Variants in PLXNA4 observed in about 807,000 individuals in gnomAD.
The protein encoded by PLXNA4 is plexin A4.
PLXNA4 carries 44 observed loss-of-function variants against 191.8 expected under a neutral mutation model. The observed-to-expected ratio is 0.23, with a 90% CI of 0.18 to 0.29. The LOEUF is 0.29. PLXNA4 is among the 10% of genes least tolerant of loss of function. The pLI is 1.00. For missense variants in PLXNA4, 1,800 were observed against 2,488.8 expected, an observed-to-expected ratio of 0.72 and a Z score of 5.89; for synonymous variants, 1,082 against 1,009.5, an observed-to-expected ratio of 1.07 and a Z score of -1.36.
intron 24 of PLXNA4, among the ~76,000 whole-genome samples, chr7:132,161,149 C>A (rs934234206): frequency 2.6e-5 from 4 of 152,188 alleles, no homozygotes; most frequent in Non-Finnish European, 5.9e-5. Context: ...TCCTCTGGGC[C>A]CTGGTGGGGC....
At chr7:132,365,788 G>T (rs760016264) in intron 3 of PLXNA4, 8 of 152,294 alleles carry the variant, frequency 5.3e-5, no homozygotes, top group Admixed American at 2.0e-4. Context: ...CTTTGAGAAC[G>T]TTAAAAAGTG....
At chr7:132,398,108 T>C (rs1043670494) in intron 3 of PLXNA4, among the ~76,000 whole-genome samples, 13 of 152,242 alleles carry the variant, frequency 8.5e-5, no homozygotes, top group Non-Finnish European at 7.3e-5. Flanking sequence ...AAAGCCACGC[T>C]GTGCCTCTAG....
intron 3 of PLXNA4, among the ~76,000 whole-genome samples, chr7:132,303,871 G>A (rs1312644453): frequency 6.6e-6 from 1 of 152,144 alleles, no homozygotes; most frequent in Non-Finnish European, 1.5e-5. Context: ...AGTGTTCTAA[G>A]GCCTCTCTTT....
chr7:132,242,921 G>A (rs1213112603), intron 4 of PLXNA4, among the ~76,000 whole-genome samples: 1 of 152,084 alleles, frequency 6.6e-6, no homozygotes, highest in Non-Finnish European at 1.5e-5. Flanking sequence ...CTCCTTAAGT[G>A]AGCATAGACA....
chr7:132,571,547 C>T (rs1585370060), intron 1 of PLXNA4, among the ~76,000 whole-genome samples: 1 of 152,204 alleles, frequency 6.6e-6, no homozygotes, highest in Admixed American at 6.5e-5. Context: ...AAGTACCTAC[C>T]GTGAGTGGTG....
intron 3 of PLXNA4, among the ~76,000 whole-genome samples, chr7:132,317,507 G>T (rs1385355886): frequency 6.6e-6 from 1 of 152,048 alleles, no homozygotes; most frequent in Non-Finnish European, 1.5e-5. Context: ...GTTGTGTTCA[G>T]TTGGATTGAA....
chr7:132,195,564 T>C (rs1797230059), intron 13 of PLXNA4, among the ~76,000 whole-genome samples: 1 of 152,262 alleles, frequency 6.6e-6, no homozygotes, highest in Admixed American at 6.5e-5. Context: ...GCACTTCTAT[T>C]GATGGCCCAC....
At chr7:132,628,789 G>A (rs1366554131) in intron 2 of PLXNA4, among the ~76,000 whole-genome samples, 3 of 152,030 alleles carry the variant, frequency 2.0e-5, no homozygotes, top group Non-Finnish European at 4.4e-5. Context: ...ACAACCTTCT[G>A]TTATTGTTTT....
chr7:132,567,156 T>A (rs1459453972), intron 1 of PLXNA4, among the ~76,000 whole-genome samples: 2 of 152,156 alleles, frequency 1.3e-5, no homozygotes, highest in Non-Finnish European at 2.9e-5. Flanking sequence ...TTCTTCACCT[T>A]TAATTCGCCC....
chr7:132,177,654 T>A (rs916018779), intron 20 of PLXNA4, among the ~76,000 whole-genome samples: 1 of 152,214 alleles, frequency 6.6e-6, no homozygotes, highest in Admixed American at 6.5e-5. Context: ...TGGCTTTTTA[T>A]CAGTCTGCAG....
chr7:132,485,541 G>A (rs148968177), intron 3 of PLXNA4, among the ~76,000 whole-genome samples: 7 of 152,312 alleles, frequency 4.6e-5, no homozygotes, highest in Middle Eastern at 3.4e-3. Flanking sequence ...AAGAAATCTC[G>A]TGCTTCTGAG....
At chr7:132,273,184 A>C (rs1020863572) in intron 4 of PLXNA4, among the ~76,000 whole-genome samples, 1 of 152,178 alleles carries the variant, frequency 6.6e-6, no homozygotes, top group Non-Finnish European at 1.5e-5. Flanking sequence ...ATCCACTCTG[A>C]GTGATGTCTG....
chr7:132,490,695 G>A (rs1461690067), intron 2 of PLXNA4, among the ~76,000 whole-genome samples: 1 of 152,114 alleles, frequency 6.6e-6, no homozygotes, highest in African/African-American at 2.4e-5. Context: ...CGAAGTGCTA[G>A]CATTACGGGT....
chr7:132,174,844 A>G lies in PLXNA4; in HGVS notation c.3951T>C (p.Tyr1317=), dbSNP rs1189216634. ...LDGAGIPFLD[Y]RTYTMRVLFP... ...ACAGCACCCGCATGGTGTAAGTTCT[A>G]TAGTCCAGGAACGGAATCCCGGCTC... The change falls in exon 21 of 32, where the codon TAT becomes TAC. Residue 1317 remains tyrosine, a synonymous_variant. Coordinates refer to ENST00000321063, the MANE Select transcript of PLXNA4 (RefSeq NM_020911.2). 10 of 1,614,124 alleles carry G rather than the reference A, an allele frequency of 6.2e-6. No individual in the cohort carries two copies. Among genetic ancestry groups the G allele is most frequent in the East Asian group, 2.2e-5 (1 of 44,896 alleles).
intron 31 of PLXNA4, among the ~76,000 whole-genome samples, chr7:132,132,458 TTCTGTTCTGCTCTGCTCTGC>T (rs1299017475): frequency 1.1e-3 from 61 of 55,512 alleles, no homozygotes; most frequent in African/African-American, 3.9e-3. Flanking sequence ...TTCTGTTCTG[TTCTGTTCTGCTCTGCTCTGC>T]TCTGCTCTGC....
At chr7:132,518,688 G>C (rs1799045056) in intron 1 of PLXNA4, among the ~76,000 whole-genome samples, 1 of 152,190 alleles carries the variant, frequency 6.6e-6, no homozygotes, top group Non-Finnish European at 1.5e-5. Context: ...TTATTAAAAG[G>C]GGATGAGGAG....
At chr7:132,277,834 T>C (rs1329608998) in intron 4 of PLXNA4, among the ~76,000 whole-genome samples, 1 of 152,176 alleles carries the variant, frequency 6.6e-6, no homozygotes, top group African/African-American at 2.4e-5. Flanking sequence ...GGCCATATGG[T>C]CTCTGTCTCA....
chr7:132,258,298 G>A (rs1184473791), intron 4 of PLXNA4, among the ~76,000 whole-genome samples: 1 of 152,244 alleles, frequency 6.6e-6, no homozygotes, highest in Non-Finnish European at 1.5e-5. Flanking sequence ...GACACCACAG[G>A]GTATGAAAGG....
chr7:132,177,701 A>ACGT (rs1796522628), intron 20 of PLXNA4, among the ~76,000 whole-genome samples: 1 of 152,204 alleles, frequency 6.6e-6, no homozygotes. Context: ...CAACATTCAA[A>ACGT]GCTGCGTGCC....
Sources: allele counts gnomAD v4.1 joint callset (sites outside exome capture counted in the v4.1 genomes callset), GRCh38; gene constraint gnomAD v4.1.1; transcripts MANE v1.5; gene names NCBI Gene and HGNC (gene_info 2026-07-23, HGNC 2026-07-21).